SCHIP1: variants seen among roughly 807,000 people sequenced by gnomAD.
The protein encoded by SCHIP1 is schwannomin-interacting protein 1.
Under a neutral mutation model 29.7 loss-of-function variants are expected in SCHIP1, and 8 were observed. The ratio of observed to expected loss-of-function variants is 0.27; its 90% CI spans 0.16 to 0.49. SCHIP1 has a LOEUF of 0.49. SCHIP1 is among the 20% of genes least tolerant of loss of function. The pLI is 0.99. For missense variants in SCHIP1, 193 were observed against 294.6 expected, an observed-to-expected ratio of 0.66 and a Z score of 2.52; for synonymous variants, 76 against 94.9, an observed-to-expected ratio of 0.80 and a Z score of 1.16.
At chr3:159,894,131 C>T (rs1717830998) in intron 6 of SCHIP1, 1 of 152,158 alleles carries the variant, frequency 6.6e-6, no homozygotes, top group African/African-American at 2.4e-5. Flanking sequence ...TGCCTGGATC[C>T]TACCCCAGAT....
chr3:159,523,991 C>T, the SCHIP1 span, among the ~76,000 whole-genome samples: 1 of 152,190 alleles, frequency 6.6e-6, no homozygotes, highest in African/African-American at 2.4e-5. Flanking sequence ...TTTCCAGCCC[C>T]CACTCAGCAT....
chr3:159,296,971 C>T, the SCHIP1 span, among the ~76,000 whole-genome samples: 1 of 152,096 alleles, frequency 6.6e-6, no homozygotes, highest in East Asian at 1.9e-4. Flanking sequence ...CTGTCTACTT[C>T]TATGGGTTTG....
At chr3:159,520,527 TC>T in the SCHIP1 span, among the ~76,000 whole-genome samples, 1 of 152,186 alleles carries the variant, frequency 6.6e-6, no homozygotes, top group Non-Finnish European at 1.5e-5. Context: ...AGAGCCCAAA[TC>T]TATAAAGTTC....
chr3:159,411,504 T>C, the SCHIP1 span, among the ~76,000 whole-genome samples: 7 of 152,124 alleles, frequency 4.6e-5, no homozygotes, highest in Non-Finnish European at 8.8e-5. Flanking sequence ...TGAGTATCAA[T>C]TGGAAAATAA....
chr3:159,680,163 C>G, the SCHIP1 span, among the ~76,000 whole-genome samples: 2 of 151,908 alleles, frequency 1.3e-5, no homozygotes, highest in African/African-American at 2.4e-5. Context: ...GCACCTGGAA[C>G]ACAATAGGCA....
the SCHIP1 span, among the ~76,000 whole-genome samples, chr3:159,523,813 T>A: frequency 1.3e-5 from 2 of 152,322 alleles, no homozygotes; most frequent in African/African-American, 4.8e-5. Context: ...AGGAGTCAGA[T>A]CTAGAAACAA....
the SCHIP1 span, among the ~76,000 whole-genome samples, chr3:159,794,680 TATC>T: frequency 6.6e-6 from 1 of 152,190 alleles, no homozygotes; most frequent in Non-Finnish European, 1.5e-5. Context: ...GCATGTAAGA[TATC>T]ATTCTGAGAA....
chr3:159,694,537 C>CAAG, the SCHIP1 span, among the ~76,000 whole-genome samples: 1 of 119,460 alleles, frequency 8.4e-6, no homozygotes, highest in South Asian at 3.0e-4. Context: ...AAAGAAAAGA[C>CAAG]AAGAAAGAAA....
At chr3:159,755,712 G>T in the SCHIP1 span, among the ~76,000 whole-genome samples, 2 of 152,298 alleles carry the variant, frequency 1.3e-5, no homozygotes, top group Middle Eastern at 3.4e-3. Flanking sequence ...TTCCACCTAT[G>T]AGCCTGTAAA....
the SCHIP1 span, among the ~76,000 whole-genome samples, chr3:159,302,752 T>C: frequency 6.6e-6 from 1 of 152,194 alleles, no homozygotes; most frequent in Admixed American, 6.5e-5. Flanking sequence ...GTCTTAGGAA[T>C]GCAGAGTGAT....
At chr3:159,870,714 A>G (rs1715165623) in intron 2 of SCHIP1, among the ~76,000 whole-genome samples, 1 of 152,002 alleles carries the variant, frequency 6.6e-6, no homozygotes, top group African/African-American at 2.4e-5. Context: ...CATTTTGTTT[A>G]GGATTGTTAG....
At chr3:159,433,996 T>G in the SCHIP1 span, among the ~76,000 whole-genome samples, 3 of 152,196 alleles carry the variant, frequency 2.0e-5, no homozygotes, top group Non-Finnish European at 2.9e-5. Context: ...ATCATAATTG[T>G]GGTCCACATC....
chr3:159,811,961 T>TTTTTTTTTTG, the SCHIP1 span, among the ~76,000 whole-genome samples: 1 of 132,326 alleles, frequency 7.6e-6, no homozygotes, highest in Non-Finnish European at 1.6e-5. Context: ...GTTTTGTAGT[T>TTTTTTTTTTG]TTTTTTGTTT....
chr3:159,716,856 C>T, the SCHIP1 span, among the ~76,000 whole-genome samples: 75 of 152,240 alleles, frequency 4.9e-4, no homozygotes, highest in Middle Eastern at 0.02. Context: ...AAAGGATATC[C>T]AGGAATTGAA....
At chr3:159,608,562 C>T in the SCHIP1 span, among the ~76,000 whole-genome samples, 3 of 152,240 alleles carry the variant, frequency 2.0e-5, no homozygotes, top group Non-Finnish European at 2.9e-5. Context: ...TTTCAAAATG[C>T]TGTAAAATAA....
chr3:159,476,902 T>G, the SCHIP1 span, among the ~76,000 whole-genome samples: 25 of 152,170 alleles, frequency 1.6e-4, no homozygotes, highest in Non-Finnish European at 3.2e-4. Flanking sequence ...AAACTTATTC[T>G]GTCTATCTGA....
chr3:159,687,994 C>G, the SCHIP1 span, among the ~76,000 whole-genome samples: 5 of 152,228 alleles, frequency 3.3e-5, no homozygotes, highest in African/African-American at 1.2e-4. Flanking sequence ...TTTATTCAGT[C>G]TAACATTGAT....
the SCHIP1 span, among the ~76,000 whole-genome samples, chr3:159,421,856 C>T: frequency 6.6e-6 from 1 of 152,132 alleles, no homozygotes; most frequent in African/African-American, 2.4e-5. Flanking sequence ...TCATACCGAG[C>T]CCACTGTATG....
At chr3:159,432,339 T>TGAGAGAGA in the SCHIP1 span, among the ~76,000 whole-genome samples, 10 of 69,366 alleles carry the variant, frequency 1.4e-4, 1 homozygote, top group South Asian at 5.2e-4. Context: ...TGTGTGTGTG[T>TGAGAGAGA]GAGAGAGAGA....
Sources: gnomAD v4.1 joint callset for allele counts (sites outside exome capture counted in the v4.1 genomes callset) on GRCh38, gnomAD v4.1.1 for gene constraint, MANE v1.5 for transcripts, NCBI Gene and HGNC (gene_info 2026-07-23, HGNC 2026-07-21) for gene names.